Variants in DPYD observed in about 807,000 individuals in gnomAD.
DPYD encodes dihydropyrimidine dehydrogenase [NADP(+)].
DPYD carries 109 observed loss-of-function variants against 116.2 expected under a neutral mutation model. The observed-to-expected ratio is 0.94, with a 90% CI of 0.80 to 1.10. The LOEUF is 1.10. DPYD is among the 50% of genes least tolerant of loss of function. DPYD has a pLI of 0.00. For missense variants in DPYD, 1,302 were observed against 1,254.5 expected, an observed-to-expected ratio of 1.04 and a Z score of -0.57; for synonymous variants, 440 against 432.0, an observed-to-expected ratio of 1.02 and a Z score of -0.23.
intron 8 of DPYD, among the ~76,000 whole-genome samples, chr1:97,648,626 T>C (rs997475023): frequency 5.7e-4 from 87 of 152,196 alleles, no homozygotes; most frequent in African/African-American, 1.9e-3. Context: ...CGCAGTTTTA[T>C]TCACTATTGA....
At chr1:97,309,391 C>A (rs575319130) in intron 16 of DPYD, among the ~76,000 whole-genome samples, 1 of 149,246 alleles carries the variant, frequency 6.7e-6, no homozygotes, top group Non-Finnish European at 1.5e-5. Flanking sequence ...ACCTGTTAAC[C>A]CTTTTGCTAT....
chr1:97,344,735 G>A (rs540405213), intron 16 of DPYD, among the ~76,000 whole-genome samples: 1 of 151,704 alleles, frequency 6.6e-6, no homozygotes, highest in Admixed American at 6.6e-5. Context: ...GTTACTCAAC[G>A]TTCTTTAAGG....
intron 18 of DPYD, among the ~76,000 whole-genome samples, chr1:97,258,387 T>C (rs1246816874): frequency 6.6e-6 from 1 of 152,184 alleles, no homozygotes; most frequent in East Asian, 1.9e-4. Flanking sequence ...ATAAATACTT[T>C]CAGGGACAGC....
intron 8 of DPYD, among the ~76,000 whole-genome samples, chr1:97,651,696 T>C (rs1332030390): frequency 1.3e-5 from 2 of 152,156 alleles, no homozygotes; most frequent in South Asian, 2.1e-4. Flanking sequence ...AATGGTATTA[T>C]ATTTTCTGAA....
At position 97,566,458 on chromosome 1, in the gene DPYD, T is replaced by C. The variant is rs72732320; in HGVS notation, c.1339+7302A>G. ...CAGTGTATTATACCGGACTGATTAC[T>C]TTAGTTCTTAATGTTAGGTAAGAAT... On this transcript the variant is annotated intron_variant, in intron 11 of 22. Transcript: ENST00000370192. Among the ~76,000 whole-genome samples the C allele has an allele frequency of 4.4e-3, 665 of 152,286 alleles. 9 individuals carry two copies. Among genetic ancestry groups the C allele is most frequent in the African/African-American group, 0.015 (620 of 41,564 alleles).
intron 8 of DPYD, among the ~76,000 whole-genome samples, chr1:97,614,765 T>C (rs778893223): frequency 8.5e-5 from 13 of 152,178 alleles, no homozygotes; most frequent in Non-Finnish European, 1.5e-4. Flanking sequence ...TGAAGAGACA[T>C]TGGATACCAT....
chr1:97,799,109 T>G (rs1470302594), intron 3 of DPYD, among the ~76,000 whole-genome samples: 1 of 151,930 alleles, frequency 6.6e-6, no homozygotes, highest in Non-Finnish European at 1.5e-5. Flanking sequence ...GTAATTCATC[T>G]CCCTCCACCA....
At chr1:97,080,828 C>A (rs1649100659) in intron 22 of DPYD, among the ~76,000 whole-genome samples, 1 of 152,002 alleles carries the variant, frequency 6.6e-6, no homozygotes. Flanking sequence ...CTTTCTAAGT[C>A]TTTTAAAATG....
intron 19 of DPYD, among the ~76,000 whole-genome samples, chr1:97,222,372 T>C (rs1031618366): frequency 2.2e-4 from 33 of 152,274 alleles, no homozygotes; most frequent in African/African-American, 7.5e-4. Flanking sequence ...CATTGTGCAA[T>C]GCTATTATTT....
intron 5 of DPYD, among the ~76,000 whole-genome samples, chr1:97,706,832 T>C (rs1661987640): frequency 3.3e-5 from 5 of 152,098 alleles, no homozygotes; most frequent in Admixed American, 6.6e-5. Context: ...ATGTGCAGGT[T>C]TGCATGTTAA....
chr1:97,395,506 C>T (rs1243877704), intron 14 of DPYD, among the ~76,000 whole-genome samples: 1 of 151,960 alleles, frequency 6.6e-6, no homozygotes, highest in Non-Finnish European at 1.5e-5. Context: ...CTTTTGATTC[C>T]AAGTTCCTCT....
intron 18 of DPYD, among the ~76,000 whole-genome samples, chr1:97,294,413 C>T (rs12723967): frequency 0.015 from 2,278 of 152,254 alleles, 31 homozygotes; most frequent in South Asian, 0.023. Flanking sequence ...AATTTCTTCC[C>T]TACCTCACCG....
At chr1:97,760,201 T>C (rs922322155) in intron 3 of DPYD, among the ~76,000 whole-genome samples, 4 of 152,178 alleles carry the variant, frequency 2.6e-5, no homozygotes, top group Admixed American at 2.0e-4. Flanking sequence ...AATTCTAGTC[T>C]GTATTGGAAC....
intron 16 of DPYD, among the ~76,000 whole-genome samples, chr1:97,367,810 G>C (rs1252708671): frequency 6.6e-6 from 1 of 152,082 alleles, no homozygotes; most frequent in East Asian, 1.9e-4. Context: ...TCCATCGAGG[G>C]CTAGGGAAAT....
At chr1:97,147,223 G>A (rs1029179522) in intron 20 of DPYD, among the ~76,000 whole-genome samples, 2 of 152,138 alleles carry the variant, frequency 1.3e-5, no homozygotes, top group East Asian at 1.9e-4. Flanking sequence ...GGGCATGCTC[G>A]TAGTCCCAGC....
chr1:97,716,001 C>T (rs1008214422), intron 5 of DPYD, among the ~76,000 whole-genome samples: 6 of 152,042 alleles, frequency 3.9e-5, no homozygotes, highest in African/African-American at 1.4e-4. Context: ...TCTATTAAAA[C>T]AATCATATAC....
chr1:97,862,460 C>A (rs1671166588), intron 2 of DPYD, among the ~76,000 whole-genome samples: 7 of 151,724 alleles, frequency 4.6e-5, no homozygotes, highest in Admixed American at 4.6e-4. Flanking sequence ...TAATATACTA[C>A]CCAAGTATGA....
intron 14 of DPYD, among the ~76,000 whole-genome samples, chr1:97,436,163 A>C (rs1675460229): frequency 1.3e-5 from 2 of 151,880 alleles, no homozygotes; most frequent in African/African-American, 4.8e-5. Flanking sequence ...CTTTAAGAGA[A>C]GATTGCATTA....
At chr1:97,475,775 C>A (rs1677926157) in intron 13 of DPYD, among the ~76,000 whole-genome samples, 1 of 152,106 alleles carries the variant, frequency 6.6e-6, no homozygotes, top group African/African-American at 2.4e-5. Context: ...TTTGCTGACC[C>A]CTGCTCTAGC....
Sources: gnomAD v4.1 joint callset for allele counts (sites outside exome capture counted in the v4.1 genomes callset) on GRCh38, gnomAD v4.1.1 for gene constraint, MANE v1.5 for transcripts, NCBI Gene and HGNC (gene_info 2026-07-23, HGNC 2026-07-21) for gene names.